TMPRSS11A: variants seen among roughly 807,000 people sequenced by gnomAD.
TMPRSS11A encodes the protein transmembrane protease serine 11A.
TMPRSS11A carries 53 observed loss-of-function variants against 58.9 expected under a neutral mutation model. The observed-to-expected ratio is 0.90, with a 90% CI of 0.72 to 1.13. TMPRSS11A has a LOEUF of 1.13. TMPRSS11A is among the 50% of genes most tolerant of loss of function. The probability of loss-of-function intolerance (pLI) is 0.00; values close to 1 mark genes in which losing one functional copy is unlikely to be tolerated. For synonymous variants in TMPRSS11A, 167 were observed against 169.8 expected (o/e 0.98, Z 0.13); for missense variants, 493 against 499.3 (o/e 0.99, Z 0.12).
chr4:67,954,120 G>A (rs1393729239), intron 1 of TMPRSS11A, among the ~76,000 whole-genome samples: 2 of 152,134 alleles, frequency 1.3e-5, no homozygotes, highest in Non-Finnish European at 2.9e-5. Flanking sequence ...ACCAAGAAAA[G>A]AAAATACTTC....
intron 1 of TMPRSS11A, among the ~76,000 whole-genome samples, chr4:67,960,889 GA>G (rs1721407000): frequency 6.6e-6 from 1 of 152,174 alleles, no homozygotes; most frequent in African/African-American, 2.4e-5. Context: ...AGAGCTATGG[GA>G]AAAAGAGATG....
chr4:67,926,811 A>G (rs1720484806), intron 5 of TMPRSS11A, among the ~76,000 whole-genome samples: 1 of 152,084 alleles, frequency 6.6e-6, no homozygotes. Context: ...GTGGGCAGAG[A>G]GGTGCTGGAG....
intron 3 of TMPRSS11A, among the ~76,000 whole-genome samples, chr4:67,934,747 A>G (rs542241979): frequency 1.2e-4 from 18 of 152,250 alleles, no homozygotes; most frequent in African/African-American, 4.3e-4. Context: ...CAACTCAAAC[A>G]AACAGACTCG....
chr4:67,929,098 A>G (rs1182867084), intron 5 of TMPRSS11A, among the ~76,000 whole-genome samples: 3 of 152,250 alleles, frequency 2.0e-5, no homozygotes, highest in African/African-American at 4.8e-5. Flanking sequence ...TTAAGAAATT[A>G]GAGATTTAAA....
At chr4:67,947,909 C>A (rs1464578453) in intron 1 of TMPRSS11A, among the ~76,000 whole-genome samples, 1 of 152,124 alleles carries the variant, frequency 6.6e-6, no homozygotes, top group African/African-American at 2.4e-5. Context: ...CAGGAAATAA[C>A]ACAGGATGAG....
chr4:67,951,402 T>C (rs6815357), intron 1 of TMPRSS11A, among the ~76,000 whole-genome samples: 18,136 of 152,122 alleles, frequency 0.12, 3,427 homozygotes, highest in African/African-American at 0.4. Flanking sequence ...AGTTGGCAAC[T>C]TCTGTGTATG....
Position 67,911,477 on chromosome 4 carries a change from T to C in TMPRSS11A, c.1122A>G (p.Thr374=), listed in dbSNP as rs1369490774. 6.2e-6 allele frequency: 10 copies of C among 1,612,768 alleles called. No individual in the cohort carries two copies. Among genetic ancestry groups the C allele is most frequent in the Non-Finnish European group, 8.5e-6 (10 of 1,179,456 alleles). ...GATACCACGTATCTTTCAGATCCCT[T>C]GTGACTAAAGGTCCCCCAGAATCAC... ...CRGDSGGPLV[T]RDLKDTWYLI... is the part of the protein sequence containing the mutation. The change falls in exon 10 of 10, where the codon ACA becomes ACG. Residue 374 remains threonine, a synonymous_variant. Coordinates refer to ENST00000508048, the MANE Select transcript of TMPRSS11A (RefSeq NM_001114387.2).
At chr4:67,922,340 T>C (rs886291014) in intron 7 of TMPRSS11A, among the ~76,000 whole-genome samples, 1 of 152,194 alleles carries the variant, frequency 6.6e-6, no homozygotes, top group Admixed American at 6.5e-5. Context: ...AAAATTTCCA[T>C]TTTACTTTGG....
chr4:67,962,943 T>C (rs1721472398), intron 1 of TMPRSS11A, among the ~76,000 whole-genome samples: 1 of 152,192 alleles, frequency 6.6e-6, no homozygotes, highest in African/African-American at 2.4e-5. Flanking sequence ...CCTCTCAATC[T>C]GCATTAGTCC....
intron 3 of TMPRSS11A, 88 bp from the exon 4 acceptor site, chr4:67,932,148 A>C (rs1055342446): frequency 4.2e-6 from 3 of 710,268 alleles, no homozygotes; most frequent in East Asian, 2.8e-5. Flanking sequence ...GCAATCAAAA[A>C]TTTTTTCACA....
At chr4:67,940,918 C>T (rs531478786) in intron 3 of TMPRSS11A, among the ~76,000 whole-genome samples, 5 of 152,314 alleles carry the variant, frequency 3.3e-5, no homozygotes, top group Non-Finnish European at 7.3e-5. Context: ...AAATTCCTGG[C>T]TTATCCTTCC....
chr4:67,937,127 C>T (rs1346336719), intron 3 of TMPRSS11A, among the ~76,000 whole-genome samples: 2 of 152,134 alleles, frequency 1.3e-5, no homozygotes, highest in African/African-American at 4.8e-5. Context: ...ATAGATTCTC[C>T]TGTGAAGACT....
intron 1 of TMPRSS11A, among the ~76,000 whole-genome samples, chr4:67,957,824 C>T (rs894400762): frequency 6.6e-6 from 1 of 152,022 alleles, no homozygotes; most frequent in Middle Eastern, 3.2e-3. Context: ...GCCTGGAGAC[C>T]TAGGAGGAAA....
chr4:67,912,456 T>C (rs1247090655), intron 9 of TMPRSS11A, among the ~76,000 whole-genome samples: 1 of 152,180 alleles, frequency 6.6e-6, no homozygotes, highest in African/African-American at 2.4e-5. Context: ...TCTTACGTCT[T>C]CCACTTTCTT....
rs1235979291 is a variant in TMPRSS11A, at chr4:67,910,615, A to G, written c.*727T>C. ...AATTTTTAACAAATATATAGTTTTGATTAACTAATCACTCTATCTATCTAT... is the reference window on the plus strand; with the variant it reads ...AATTTTTAACAAATATATAGTTTTGGTTAACTAATCACTCTATCTATCTAT... On this transcript the variant is annotated 3_prime_UTR_variant, in exon 10 of 10. Coordinates refer to ENST00000508048, the MANE Select transcript of TMPRSS11A (RefSeq NM_001114387.2). The G allele has an allele frequency of 6.6e-6, 1 of 152,026 alleles. No individual in the cohort carries two copies. Among genetic ancestry groups the G allele is most frequent in the Non-Finnish European group, 1.5e-5 (1 of 67,930 alleles). 9.4% of individuals were successfully genotyped at this position (152,026 alleles called of 1,614,324 possible). A position where few individuals can be genotyped will look rare whatever the true frequency, so the allele number is the denominator to read the frequency against.
intron 3 of TMPRSS11A, among the ~76,000 whole-genome samples, chr4:67,940,014 CG>C (rs1720843349): frequency 6.6e-6 from 1 of 152,032 alleles, no homozygotes; most frequent in South Asian, 2.1e-4. Flanking sequence ...GTTTTTAATT[CG>C]GTTTATGTGG....
intron 3 of TMPRSS11A, among the ~76,000 whole-genome samples, chr4:67,933,775 G>A (rs1046249022): frequency 3.9e-5 from 6 of 152,086 alleles, no homozygotes; most frequent in South Asian, 2.1e-4. Flanking sequence ...AAATAAAAAG[G>A]CAAACAAAAT....
rs761584266 is a variant in TMPRSS11A, at chr4:67,919,234, T to C, written c.693-2A>G. 1.2e-6 allele frequency: 2 copies of C among 1,613,152 alleles called. No homozygotes were observed. The highest frequency in any genetic ancestry group is 2.2e-5 in the South Asian group (2 of 91,054). On this transcript the variant is annotated splice_acceptor_variant, in intron 7 of 9. Coordinates refer to ENST00000508048, the MANE Select transcript of TMPRSS11A (RefSeq NM_001114387.2). LOFTEE classifies it high-confidence loss of function. ...GTCCATTGATGTGGATTTTTATACC[T>C]GGAAAAGGTTAGAAATTAACAGAAT...
chr4:67,934,239 A>T (rs1720698925), intron 3 of TMPRSS11A, among the ~76,000 whole-genome samples: 1 of 152,172 alleles, frequency 6.6e-6, no homozygotes, highest in Non-Finnish European at 1.5e-5. Context: ...GGGCAGAGGG[A>T]CTGGTAAAAA....
Sources: allele counts gnomAD v4.1 joint callset (sites outside exome capture counted in the v4.1 genomes callset), GRCh38; gene constraint gnomAD v4.1.1; transcripts MANE v1.5; gene names NCBI Gene and HGNC (gene_info 2026-07-23, HGNC 2026-07-21).